MCRS1: variants seen among roughly 807,000 people sequenced by gnomAD.
MCRS1 encodes the protein 58 kDa microspherule protein.
In MCRS1, 22 loss-of-function variants were observed where a neutral mutation model predicts 62.9. That is an observed-to-expected ratio of 0.35 (90% CI 0.25 to 0.50). MCRS1 has a LOEUF of 0.50. MCRS1 is among the 20% of genes least tolerant of loss of function. The pLI is 0.98. For synonymous variants in MCRS1, 244 were observed against 233.5 expected (o/e 1.04, Z -0.41); for missense variants, 456 against 601.1 (o/e 0.76, Z 2.52).
At position 49,558,908 on chromosome 12, in the gene MCRS1, A is replaced by G. The variant is rs1430571096; in HGVS notation, c.1237T>C (p.Tyr413His). Residue 413 changes from tyrosine to histidine, a missense_variant, in exon 14 of 15, where the codon TAC becomes CAC. Physicochemically the swap from Tyr to His is moderately conservative, Grantham distance 83. This residue lies in a region of MCRS1 where 393 missense variants were observed against 523.5 expected (regional missense o/e 0.75). Coordinates refer to ENST00000343810, the MANE Select transcript of MCRS1 (RefSeq NM_006337.5). ...FIANEGRRPIYIDGRPVLCGS... is the reference protein window; with the variant it reads ...FIANEGRRPIHIDGRPVLCGS... ...CAGAGCACCGGCCGTCCATCGATGT[A>G]GATGGGCCGTCGACCCTCATTGGCA... The G allele has an allele frequency of 5.0e-6, 8 of 1,613,026 alleles. No individual in the cohort carries two copies. In the Admixed American group the frequency reaches 1.2e-4, roughly 24 times the overall value.
At position 49,559,313 on chromosome 12, in the gene MCRS1, G is replaced by A; in HGVS notation, c.1087-12C>T. ...CTGCCCAGGGTGATCTGGGGAAATG[G>A]GGCAGGTGAGGGCTGGGACCTGAAG... On this transcript the variant is annotated splice_polypyrimidine_tract_variant and intron_variant, in intron 12 of 14. Transcript: ENST00000343810. The surrounding 1 kb of genome is among the most constrained non-coding windows in gnomAD (Gnocchi z 5.2). The A allele has an allele frequency of 6.2e-7, 1 of 1,613,302 alleles. No individual in the cohort carries two copies. The highest frequency in any genetic ancestry group is 8.5e-7 in the Non-Finnish European group (1 of 1,179,266).
Position 49,558,976 on chromosome 12 carries a change from G to C in MCRS1, c.1175-6C>G, listed in dbSNP as rs1856727295. The C allele has an allele frequency of 6.2e-7, 1 of 1,611,244 alleles. No individual in the cohort carries two copies. Among genetic ancestry groups the C allele is most frequent in the Non-Finnish European group, 8.5e-7 (1 of 1,179,984 alleles). ...GTTCTTCAGCTTGATGACACCTGTG[G>C]AAGCAGAAAGAAAGAAGGGATGATG... On this transcript the variant is annotated splice_region_variant and splice_polypyrimidine_tract_variant and intron_variant, in intron 13 of 14. Coordinates refer to ENST00000343810, the MANE Select transcript of MCRS1 (RefSeq NM_006337.5).
At position 49,564,537 on chromosome 12, in the gene MCRS1, G is replaced by A. The variant is rs1458706596; in HGVS notation, c.501C>T (p.Thr167=). 8.7e-6 allele frequency: 14 copies of A among 1,613,112 alleles called. No individual in the cohort carries two copies. The highest frequency in any genetic ancestry group is 1.0e-5 in the Non-Finnish European group (12 of 1,179,590). ...ACCAACGCTCCTGGACCTCCCGAAG[G>A]GTGAAGCGGCAGCTGAATTTCACGC... ...HLGVKFSCRF[T]LREVQERWYA... is the part of the protein sequence containing the mutation. The change falls in exon 6 of 15, where the codon ACC becomes ACT. Residue 167 remains threonine, a synonymous_variant. Coordinates refer to ENST00000343810, the MANE Select transcript of MCRS1 (RefSeq NM_006337.5).
chr12:49,564,934 C>G, intron 4 of MCRS1, 39 bp from the exon 5 acceptor site: 1 of 1,521,874 alleles, frequency 6.6e-7, no homozygotes, highest in Non-Finnish European at 8.8e-7. Flanking sequence ...TCAAAGCCAG[C>G]ATCCAGTCAG....
intron 8 of MCRS1, 34 bp downstream of exon 8, chr12:49,562,967 C>T (rs1184959247): frequency 1.9e-6 from 3 of 1,582,230 alleles, no homozygotes; most frequent in Non-Finnish European, 2.6e-6. Flanking sequence ...TGCACGTGCA[C>T]ACACCCCCAT....
rs766449460 is a variant in MCRS1 at position 49,564,516 on chromosome 12, A to T, written c.522T>A (p.Arg174=). The change falls in exon 6 of 15, where the codon CGT becomes CGA. Residue 174 remains arginine (R), a synonymous_variant. Transcript: ENST00000343810. ...CAGGATCGTAGAGCAGGGCGTACCA[A>T]CGCTCCTGGACCTCCCGAAGGGTGA... is the stretch of plus-strand genomic sequence containing the variant. ...CRFTLREVQE[R]WYALLYDPVI... The T allele has an allele frequency of 8.7e-6, 14 of 1,613,304 alleles. No homozygotes were observed. Among genetic ancestry groups the T allele is most frequent in the Non-Finnish European group, 1.1e-5 (13 of 1,179,672 alleles).
At position 49,565,580 on chromosome 12, in the gene MCRS1, C is replaced by T. The variant is rs1322198772; in HGVS notation, c.237G>A (p.Val79=). 2 of 1,612,418 alleles carry T rather than the reference C, an allele frequency of 1.2e-6. No homozygotes were observed. Among genetic ancestry groups the T allele is most frequent in the East Asian group, 4.5e-5 (2 of 44,892 alleles). Residue 79 remains valine (V), a synonymous_variant, in exon 4 of 15, where the codon GTG becomes GTA. Coordinates refer to ENST00000343810, the MANE Select transcript of MCRS1 (RefSeq NM_006337.5). The stretch of plus-strand genomic sequence containing the variant: ...CACTCCCCGAACAGCGCCCTGGTTC[C>T]ACCCCACTGGCCCCCTTTGCCCGGG... The part of the protein sequence containing the change: ...SSTRAKGASG[V]EPGRCSGSEP...
rs774513239 is a variant in MCRS1 at position 49,559,960 on chromosome 12, G to A, written c.889C>T (p.Arg297Ter). 2.5e-6 allele frequency: 4 copies of A among 1,614,030 alleles called. No homozygotes were observed. The highest frequency in any genetic ancestry group is 2.2e-5 in the East Asian group (1 of 44,904). Residue 297 changes from arginine (R) to a stop codon, truncating the protein, a stop_gained, in exon 10 of 15, where the codon CGA becomes TGA. Transcript: ENST00000343810. LOFTEE classifies it high-confidence loss of function. The surrounding 1 kb of genome is among the most constrained non-coding windows in gnomAD (Gnocchi z 5.2). ...LIDDSKLKDMRDEVLEHELMV... is the reference protein window; with the variant it reads ...LIDDSKLKDM ...TTACCATGTTCCAGGACCTCATCTC[G>A]CATGTCCCTGAGGGGCAAGAAGAGA...
At chr12:49,566,240 C>A (rs752556771) in intron 2 of MCRS1, 25 bp from the exon 3 acceptor site, 1 of 1,605,002 alleles carries the variant, frequency 6.2e-7, no homozygotes, top group Admixed American at 1.7e-5. Context: ...ATGGTGGATT[C>A]GGGCCTCCTA....
At chr12:49,566,615 G>T in intron 2 of MCRS1, 107 bp downstream of exon 2, 1 of 1,549,250 alleles carries the variant, frequency 6.5e-7, no homozygotes, top group Non-Finnish European at 8.8e-7. Flanking sequence ...CCAGGGGGAG[G>T]TGGCAAGGCC....
Position 49,559,721 on chromosome 12 carries a change from C to G in MCRS1, c.1003+8G>C. On this transcript the variant is annotated splice_region_variant and intron_variant, in intron 11 of 14. Coordinates refer to ENST00000343810, the MANE Select transcript of MCRS1 (RefSeq NM_006337.5). The surrounding 1 kb of genome is among the most constrained non-coding windows in gnomAD (Gnocchi z 5.2). ...AGAGTGAGCCTTCTGGTGCCCAGGCCTCCTCACCTGTGATGCTGTCCACTA... is the reference window on the plus strand; with the variant it reads ...AGAGTGAGCCTTCTGGTGCCCAGGCGTCCTCACCTGTGATGCTGTCCACTA... 2.5e-6 allele frequency: 4 copies of G among 1,614,032 alleles called. No individual in the cohort carries two copies. Among genetic ancestry groups the G allele is most frequent in the Non-Finnish European group, 3.4e-6 (4 of 1,179,964 alleles).
At position 49,559,193 on chromosome 12, in the gene MCRS1, G is replaced by C. The variant is rs1388959595; in HGVS notation, c.1174+21C>G. ...GGACGACCTCACACTGCTTCCTGCT[G>C]GGGCAGGGGGTGGGGGATACCTTGT... On this transcript the variant is annotated intron_variant, in intron 13 of 14. Transcript: ENST00000343810. This position sits in a 1 kb window ranked among gnomAD's most constrained non-coding sequence, Gnocchi z 5.2. 3.7e-6 allele frequency: 6 copies of C among 1,608,958 alleles called. No individual in the cohort carries two copies. The African/African-American group carries it at 6.7e-5, about 18-fold the overall frequency.
intron 2 of MCRS1, chr12:49,566,456 T>C (rs1375963782): frequency 1.3e-6 from 2 of 1,566,500 alleles, no homozygotes; most frequent in Non-Finnish European, 1.7e-6. Flanking sequence ...CAGCACATGG[T>C]GCTCAGGTCA....
chr12:49,563,215 C>G, intron 7 of MCRS1, 76 bp from the exon 8 acceptor site: 1 of 1,530,376 alleles, frequency 6.5e-7, no homozygotes, highest in Non-Finnish European at 8.8e-7. Flanking sequence ...CTCTACCTCC[C>G]ACCTCAGCAT....
chr12:49,566,211 A>C lies in MCRS1; in HGVS notation c.15T>G (p.Ser5=), dbSNP rs771457780. The change falls in exon 3 of 15, where the codon TCT becomes TCG. Residue 5 remains serine, a synonymous_variant. Transcript: ENST00000343810. Reference sequence around the variant, plus strand: ...TCAGGGATGAATCTAGCAGCCCCTGAGAATCTAGCAAGAGAGAAATGGTGG... The same window carrying C: ...TCAGGGATGAATCTAGCAGCCCCTGCGAATCTAGCAAGAGAGAAATGGTGG... MDKD[S]QGLLDSSLMA... The C allele has an allele frequency of 6.2e-7, 1 of 1,612,314 alleles. No individual in the cohort carries two copies. Among genetic ancestry groups the C allele is most frequent in the South Asian group, 1.1e-5 (1 of 90,988 alleles).
In MCRS1 at chr12:49,568,084, G is replaced by T. The variant is rs1233394378; in HGVS notation, c.-147C>A. ...TGCCAGATCCAACAATTTCTCCGCG[G>T]CGACGGTAGCAGCCGCAGGGCCAAA... On this transcript the variant is annotated 5_prime_UTR_variant, in exon 1 of 15. Transcript: ENST00000343810. The T allele has an allele frequency of 2.0e-5, 3 of 152,216 alleles. No homozygotes were observed. Among genetic ancestry groups the T allele is most frequent in the African/African-American group, 7.2e-5 (3 of 41,436 alleles). The allele number at this position is 152,216 out of a possible 1,614,324, so 9.4% of individuals were successfully genotyped here.
At chr12:49,566,641 GA>G in intron 2 of MCRS1, 80 bp downstream of exon 2, 1 of 1,600,272 alleles carries the variant, frequency 6.2e-7, no homozygotes, top group South Asian at 1.1e-5. Flanking sequence ...AGGACCGAAA[GA>G]CACACGTGCC....
At chr12:49,565,935 C>T in intron 3 of MCRS1, 142 bp downstream of exon 3, 1 of 1,281,594 alleles carries the variant, frequency 7.8e-7, no homozygotes, top group Non-Finnish European at 1.1e-6. Flanking sequence ...TTAGCAGGGA[C>T]AGGAAAAGCA....
rs759824112 is a variant in MCRS1 at position 49,566,728 on chromosome 12, C to T, written c.4G>A (p.Asp2Asn). The T allele has an allele frequency of 1.2e-6, 2 of 1,613,966 alleles. No homozygotes were observed. Among genetic ancestry groups the T allele is most frequent in the Non-Finnish European group, 1.7e-6 (2 of 1,179,944 alleles). ...TGTCCCGGCCTCATACTACCTTTGT[C>T]CATCCTCTTACAGTCCCAAAGCCAC... MDKDSQGLLDSS... is the reference protein window; with the variant it reads MNKDSQGLLDSS... The change falls in exon 2 of 15, where the codon GAC becomes AAC. Residue 2 changes from aspartate to asparagine, a missense_variant. Physicochemically the swap from Asp to Asn is conservative, Grantham distance 23. Transcript: ENST00000343810.
Sources: gnomAD v4.1 joint callset for allele counts on GRCh38, gnomAD v4.1.1 for gene constraint, gnomAD v4.1.1 regional missense constraint, Gnocchi (gnomAD v3.1) non-coding constraint, MANE v1.5 for transcripts, NCBI Gene and HGNC (gene_info 2026-07-23, HGNC 2026-07-21) for gene names.